Variants in ACAT2 observed in about 807,000 individuals in gnomAD.
The protein encoded by ACAT2 is acetyl-CoA acetyltransferase, cytosolic.
A neutral mutation model predicts 37.1 loss-of-function variants in ACAT2; 26 were observed. The ratio of observed to expected loss-of-function variants is 0.70; its 90% CI spans 0.51 to 0.97. The LOEUF (loss-of-function observed/expected upper bound fraction) is 0.97. Ranked by LOEUF, ACAT2 falls within the 50% of genes least tolerant of loss-of-function variation. ACAT2 has a pLI of 0.00. For missense variants in ACAT2, 468 were observed against 489.0 expected, an observed-to-expected ratio of 0.96 and a Z score of 0.40; for synonymous variants, 156 against 163.6, an observed-to-expected ratio of 0.95 and a Z score of 0.35.
intron 5 of ACAT2, chr6:159,775,947 C>A (rs1780406015): frequency 2.0e-6 from 1 of 495,142 alleles, no homozygotes; most frequent in Admixed American, 3.8e-5. Context: ...ACACAGGTGT[C>A]TCATAAGGAC....
At chr6:159,778,536 T>TA in intron 8 of ACAT2, 123 bp from the exon 9 acceptor site, 1 of 1,125,172 alleles carries the variant, frequency 8.9e-7, no homozygotes, top group Non-Finnish European at 1.3e-6. Flanking sequence ...CCTAAGCAGT[T>TA]AAAATGAAAA....
rs1446484860 is a variant in ACAT2 at position 159,778,423 on chromosome 6, TTAAA to T, written c.1023+144_1023+147del. 492 of 83,866 alleles carry T rather than the reference TTAAA, an allele frequency of 5.9e-3. 1 individual carries two copies. The highest frequency in any genetic ancestry group is 0.019 in the African/African-American group (357 of 19,200). 5.2% of individuals were successfully genotyped at this position (83,866 alleles called of 1,614,324 possible). On this transcript the variant is annotated intron_variant, in intron 8 of 8. Coordinates refer to ENST00000367048, the MANE Select transcript of ACAT2 (RefSeq NM_005891.3). ...GACTGAGTTCATTACTTCCCAAGGT[TTAAA>T]AAAAAAAAAAAAAAAAAAAAAAGAC...
chr6:159,775,891 G>T (rs1250904323), intron 5 of ACAT2: 2 of 374,338 alleles, frequency 5.3e-6, no homozygotes, highest in South Asian at 6.0e-5. Context: ...GGCACAAACA[G>T]GTCCCTGGTA....
chr6:159,775,827 G>C (rs1780403847), intron 5 of ACAT2: 1 of 262,578 alleles, frequency 3.8e-6, no homozygotes, highest in East Asian at 1.0e-4. Flanking sequence ...GAGACTGCCT[G>C]ATCCACTCAC....
rs372081426 is a variant in ACAT2 at position 159,772,943 on chromosome 6, A to C, written c.491-2227A>C. ...ACCCAGATTGGAGTGCAGTGGCTCA[A>C]TCTTGGCTCACTGCAACCCCCACCT... On this transcript the variant is annotated intron_variant, in intron 4 of 8. Coordinates refer to ENST00000367048, the MANE Select transcript of ACAT2 (RefSeq NM_005891.3). Among the ~76,000 whole-genome samples, 869 of 152,230 alleles carry C rather than the reference A, an allele frequency of 5.7e-3. 7 individuals carry two copies. The highest frequency in any genetic ancestry group is 0.02 in the African/African-American group (828 of 41,538).
At chr6:159,762,310 C>G in intron 1 of ACAT2, 168 bp downstream of exon 1, 2 of 1,213,714 alleles carry the variant, frequency 1.6e-6, no homozygotes, top group Non-Finnish European at 1.1e-6. Context: ...CGTTCCCTGA[C>G]CTGGTGCTAC....
chr6:159,762,682 T>A, intron 1 of ACAT2: 2 of 1,494,334 alleles, frequency 1.3e-6, no homozygotes, highest in Non-Finnish European at 1.8e-6. Context: ...ATAGAAGGGC[T>A]ACAGCGGCGT....
rs1480534796 is a variant in ACAT2, at chr6:159,779,006, ATT to A, written c.*178_*179del. ...AATACTCAACTCAAGGTACAAGACA[ATT>A]GCATTTAACATTGTTATAAATAAAA... On this transcript the variant is annotated 3_prime_UTR_variant, in exon 9 of 9. Transcript: ENST00000367048. 2.0e-5 allele frequency: 32 copies of A among 1,595,510 alleles called. 1 individual carries two copies. The Admixed American group carries it at 5.4e-4, about 27-fold the overall frequency.
intron 7 of ACAT2, 75 bp downstream of exon 7, chr6:159,777,531 CTCTAGTCTTTCCCTACCAGAAG>C (rs1373809723): frequency 6.9e-7 from 1 of 1,449,574 alleles, no homozygotes; most frequent in East Asian, 2.4e-5. Flanking sequence ...ATGTAGTTAG[CTCTAGTCTTTCCCTACCAGAAG>C]AGTAACCAAG....
intron 4 of ACAT2, among the ~76,000 whole-genome samples, chr6:159,772,790 A>G (rs1360812293): frequency 6.6e-6 from 1 of 151,916 alleles, no homozygotes; most frequent in Non-Finnish European, 1.5e-5. Flanking sequence ...CCTGGTCAAC[A>G]TAGTGAGACA....
intron 4 of ACAT2, among the ~76,000 whole-genome samples, chr6:159,772,874 A>G (rs1780359324): frequency 6.6e-6 from 1 of 152,122 alleles, no homozygotes; most frequent in African/African-American, 2.4e-5. Flanking sequence ...AAGCAAAGCA[A>G]TAACTTTTTT....
intron 5 of ACAT2, 137 bp from the exon 6 acceptor site, chr6:159,776,013 G>C (rs901209970): frequency 2.2e-6 from 2 of 893,822 alleles, no homozygotes; most frequent in Non-Finnish European, 3.4e-6. Context: ...TCCTCCTGTT[G>C]TCATCAAAGT....
intron 1 of ACAT2, 70 bp downstream of exon 1, chr6:159,762,212 A>C: frequency 6.5e-7 from 1 of 1,535,128 alleles, no homozygotes; most frequent in Non-Finnish European, 8.8e-7. Flanking sequence ...CGAGGGCCGG[A>C]CTTGTGTAGG....
intron 4 of ACAT2, among the ~76,000 whole-genome samples, chr6:159,770,164 G>C (rs1562477566): frequency 6.6e-6 from 1 of 152,292 alleles, no homozygotes; most frequent in Admixed American, 6.5e-5. Flanking sequence ...TTGACTGCTT[G>C]TGGAAACAAA....
chr6:159,769,560 T>A (rs1780304776), intron 4 of ACAT2, among the ~76,000 whole-genome samples: 1 of 152,228 alleles, frequency 6.6e-6, no homozygotes, highest in Admixed American at 6.5e-5. Context: ...TGACAAAGAT[T>A]AGATTTCCTA....
chr6:159,778,897 A>G lies in ACAT2; in HGVS notation c.*68A>G, dbSNP rs911606829. The G allele has an allele frequency of 3.1e-5, 50 of 1,600,782 alleles. 1 individual carries two copies. In the South Asian group the frequency reaches 5.5e-4, roughly 18 times the overall value. On this transcript the variant is annotated 3_prime_UTR_variant, in exon 9 of 9. Coordinates refer to ENST00000367048, the MANE Select transcript of ACAT2 (RefSeq NM_005891.3). ...TAAAGTACTAGGTTGCAATATGTGAAATCAGAGGACCAAAGTACAGATGGA... is the reference window on the plus strand; with the variant it reads ...TAAAGTACTAGGTTGCAATATGTGAGATCAGAGGACCAAAGTACAGATGGA...
chr6:159,773,653 C>T (rs967122863), intron 4 of ACAT2, among the ~76,000 whole-genome samples: 4 of 152,078 alleles, frequency 2.6e-5, no homozygotes, highest in Non-Finnish European at 5.9e-5. Flanking sequence ...GTTGTAACTG[C>T]CTAAATTTTG....
At chr6:159,776,407 G>A in intron 6 of ACAT2, 135 bp downstream of exon 6, 2 of 1,134,576 alleles carry the variant, frequency 1.8e-6, no homozygotes, top group Non-Finnish European at 2.4e-6. Flanking sequence ...AGGTTCGTGT[G>A]CAGCAATATG....
At chr6:159,768,946 C>G (rs1300602126) in intron 4 of ACAT2, among the ~76,000 whole-genome samples, 2 of 152,058 alleles carry the variant, frequency 1.3e-5, no homozygotes, top group Non-Finnish European at 2.9e-5. Context: ...TTTTTTGGTA[C>G]CTAGCTGTAC....
Sources: allele counts gnomAD v4.1 joint callset (sites outside exome capture counted in the v4.1 genomes callset), GRCh38; gene constraint gnomAD v4.1.1; transcripts MANE v1.5; gene names NCBI Gene and HGNC (gene_info 2026-07-23, HGNC 2026-07-21).